The following CDK15 variants were observed in gnomAD, a reference collection of about 807,000 sequenced individuals.
CDK15 encodes cyclin-dependent kinase 15.
Under a neutral mutation model 60.3 loss-of-function variants are expected in CDK15, and 62 were observed. The observed-to-expected ratio is 1.03, with a 90% CI of 0.84 to 1.27. CDK15 has a LOEUF of 1.27. Among genes scored for constraint, CDK15 ranks in the 50% most tolerant of loss-of-function variants. The pLI, the probability that CDK15 is intolerant of heterozygous loss-of-function variation, is 0.00. For synonymous variants in CDK15, 194 were observed against 195.7 expected, an observed-to-expected ratio of 0.99 and a Z score of 0.07; for missense variants, 541 against 527.8, an observed-to-expected ratio of 1.03 and a Z score of -0.25.
chr2:201,811,609 G>T (rs1695773545), intron 3 of CDK15, among the ~76,000 whole-genome samples: 1 of 152,138 alleles, frequency 6.6e-6, no homozygotes, highest in African/African-American at 2.4e-5. Context: ...TCTATTCTCA[G>T]CACTTAGCTG....
At chr2:201,881,229 C>T (rs1338730442) in intron 12 of CDK15, among the ~76,000 whole-genome samples, 1 of 152,112 alleles carries the variant, frequency 6.6e-6, no homozygotes, top group African/African-American at 2.4e-5. Context: ...GTCCAAAGCG[C>T]TTAGTTTGGG....
chr2:201,886,522 A>G (rs748970255), intron 12 of CDK15, among the ~76,000 whole-genome samples: 13 of 152,014 alleles, frequency 8.6e-5, no homozygotes, highest in Non-Finnish European at 1.6e-4. Context: ...ACAGGGTTTC[A>G]CCATGTTGGC....
intron 3 of CDK15, among the ~76,000 whole-genome samples, chr2:201,809,251 T>C (rs1487691019): frequency 6.6e-6 from 1 of 152,200 alleles, no homozygotes; most frequent in Non-Finnish European, 1.5e-5. Context: ...CTTCTGATCC[T>C]CTCTTCTGAG....
chr2:201,850,734 G>T (rs551915115), intron 9 of CDK15, among the ~76,000 whole-genome samples: 1 of 152,118 alleles, frequency 6.6e-6, no homozygotes, highest in Non-Finnish European at 1.5e-5. Flanking sequence ...CATAATGGCT[G>T]TGCTATTTGC....
At chr2:201,877,355 G>T (rs1244597725) in intron 11 of CDK15, among the ~76,000 whole-genome samples, 1 of 152,112 alleles carries the variant, frequency 6.6e-6, no homozygotes, top group Non-Finnish European at 1.5e-5. Context: ...AGAACAAATC[G>T]CTGATTGGGG....
In CDK15 at chr2:201,827,318, C is replaced by A. The variant is rs114779848; in HGVS notation, c.606+3591C>A. On this transcript the variant is annotated intron_variant, in intron 6 of 13. Transcript: ENST00000652192. ...AAAATCAGCTGAGCATGGTGGCATA[C>A]GCCTGTAGTCCCAGCTACCTGGGAG... Among the ~76,000 whole-genome samples the A allele has an allele frequency of 1.4e-4, 22 of 152,192 alleles. 1 individual carries two copies. The South Asian group carries it at 4.6e-3, about 32-fold the overall frequency.
At chr2:201,842,209 T>C (rs555832585) in intron 8 of CDK15, among the ~76,000 whole-genome samples, 3 of 152,344 alleles carry the variant, frequency 2.0e-5, no homozygotes, top group East Asian at 3.9e-4. Context: ...AATTTGACTA[T>C]TCTTGGTACC....
At chr2:201,856,119 C>T (rs964695787) in intron 10 of CDK15, among the ~76,000 whole-genome samples, 6 of 152,154 alleles carry the variant, frequency 3.9e-5, no homozygotes, top group Middle Eastern at 3.2e-3. Context: ...TGAGCCAGCG[C>T]GCCTGGCCTG....
At chr2:201,859,466 A>G (rs1445676099) in intron 10 of CDK15, among the ~76,000 whole-genome samples, 1 of 152,218 alleles carries the variant, frequency 6.6e-6, no homozygotes, top group Non-Finnish European at 1.5e-5. Flanking sequence ...GCCAAACCAT[A>G]CAGTGTAGGT....
rs567253407 is a variant in CDK15 at position 201,847,301 on chromosome 2, G to A, written c.852-80G>A. The A allele has an allele frequency of 2.3e-6, 3 of 1,332,918 alleles. No individual in the cohort carries two copies. The Admixed American group carries it at 5.8e-5, about 26-fold the overall frequency. 82.6% of individuals were successfully genotyped at this position (1,332,918 alleles called of 1,614,324 possible). A position where few individuals can be genotyped will look rare whatever the true frequency, so the allele number is the denominator to read the frequency against. On this transcript the variant is annotated intron_variant, in intron 8 of 13. Transcript: ENST00000652192. ...TTTAACTCTCCCTAAAATATTTCTT[G>A]GGAAGAGAAATTCTAGTAGTTCAGT...
chr2:201,836,177 T>TTA (rs1553524123), intron 8 of CDK15, among the ~76,000 whole-genome samples: 1 of 95,548 alleles, frequency 1.0e-5, no homozygotes, highest in South Asian at 3.0e-4. Context: ...TATTTATATA[T>TTA]TATATATATT....
At chr2:201,880,605 T>C (rs1699241996) in intron 12 of CDK15, among the ~76,000 whole-genome samples, 1 of 152,146 alleles carries the variant, frequency 6.6e-6, no homozygotes, top group African/African-American at 2.4e-5. Flanking sequence ...TGGGCCTTTC[T>C]TGATTGGTAA....
At chr2:201,866,130 C>G (rs1024455782) in intron 10 of CDK15, among the ~76,000 whole-genome samples, 1 of 151,192 alleles carries the variant, frequency 6.6e-6, no homozygotes, top group Non-Finnish European at 1.5e-5. Context: ...CTTCAGATAG[C>G]GAAATAAGGC....
intron 8 of CDK15, among the ~76,000 whole-genome samples, chr2:201,846,366 G>T (rs548876158): frequency 6.6e-6 from 1 of 152,074 alleles, no homozygotes; most frequent in Admixed American, 6.6e-5. Context: ...GGTGGCAGGT[G>T]CCTGTAATCC....
chr2:201,866,501 T>C (rs544582437), intron 10 of CDK15, among the ~76,000 whole-genome samples: 1 of 152,334 alleles, frequency 6.6e-6, no homozygotes, highest in East Asian at 1.9e-4. Flanking sequence ...GCTTTATTAC[T>C]TTCCTTTTGC....
intron 10 of CDK15, among the ~76,000 whole-genome samples, chr2:201,869,635 G>A (rs972732191): frequency 3.9e-5 from 6 of 152,110 alleles, no homozygotes; most frequent in Non-Finnish European, 8.8e-5. Context: ...AACTGAAGCA[G>A]CAGAGTCTGT....
At chr2:201,858,387 TTCTC>T (rs1356116225) in intron 10 of CDK15, among the ~76,000 whole-genome samples, 7 of 120,958 alleles carry the variant, frequency 5.8e-5, no homozygotes, top group Non-Finnish European at 6.7e-5. Flanking sequence ...CCTCCCTTCC[TTCTC>T]TCTCTCTCTT....
intron 13 of CDK15, among the ~76,000 whole-genome samples, chr2:201,891,157 G>A (rs113787644): frequency 6.6e-6 from 1 of 152,214 alleles, no homozygotes; most frequent in African/African-American, 2.4e-5. Context: ...CAGGGATAAA[G>A]CTCCTAAGAC....
At position 201,812,571 on chromosome 2, in the gene CDK15, A is replaced by G; in HGVS notation, c.448+9A>G. The G allele has an allele frequency of 6.3e-7, 1 of 1,597,496 alleles. No homozygotes were observed. The highest frequency in any genetic ancestry group is 8.6e-7 in the Non-Finnish European group (1 of 1,165,592). ...TACAGCTATCCGAGAAGGTAAGAACAGCAGAAATGGACCCAATAGATCTGT... is the reference window on the plus strand; with the variant it reads ...TACAGCTATCCGAGAAGGTAAGAACGGCAGAAATGGACCCAATAGATCTGT... On this transcript the variant is annotated intron_variant, in intron 4 of 13. Transcript: ENST00000652192.
Sources: gnomAD v4.1 joint callset for allele counts (sites outside exome capture counted in the v4.1 genomes callset) on GRCh38, gnomAD v4.1.1 for gene constraint, MANE v1.5 for transcripts, NCBI Gene and HGNC (gene_info 2026-07-23, HGNC 2026-07-21) for gene names.